The following ZSCAN25 variants were observed in gnomAD, a reference collection of about 807,000 sequenced individuals.
The protein encoded by ZSCAN25 is zinc finger and SCAN domain containing 25.
Under a neutral mutation model 38.7 loss-of-function variants are expected in ZSCAN25, and 27 were observed. That is an observed-to-expected ratio of 0.70 (90% CI 0.51 to 0.96). ZSCAN25 has a LOEUF of 0.96. Ranked by LOEUF, ZSCAN25 falls within the 40% of genes least tolerant of loss-of-function variation. The pLI is 0.00. For missense variants in ZSCAN25, 637 were observed against 705.9 expected, an observed-to-expected ratio of 0.90 and a Z score of 1.11; for synonymous variants, 273 against 277.7, an observed-to-expected ratio of 0.98 and a Z score of 0.17.
At chr7:99,644,386 A>T in the ZSCAN25 span, among the ~76,000 whole-genome samples, 11 of 152,156 alleles carry the variant, frequency 7.2e-5, no homozygotes, top group Non-Finnish European at 1.6e-4. Flanking sequence ...GGCCTAGGGC[A>T]CTGGAGGCTT....
chr7:99,679,631 A>T, the ZSCAN25 span, among the ~76,000 whole-genome samples: 1 of 152,180 alleles, frequency 6.6e-6, no homozygotes, highest in Non-Finnish European at 1.5e-5. Context: ...TAGAAGGTGG[A>T]TGGGAGAAAT....
At chr7:99,625,982 C>T (rs1321574343) in intron 7 of ZSCAN25, among the ~76,000 whole-genome samples, 1 of 152,234 alleles carries the variant, frequency 6.6e-6, no homozygotes, top group African/African-American at 2.4e-5. Flanking sequence ...CTGCTTGGGG[C>T]TGGGCCTGAG....
the ZSCAN25 span, among the ~76,000 whole-genome samples, chr7:99,692,654 A>T: frequency 6.6e-6 from 1 of 151,808 alleles, no homozygotes; most frequent in Non-Finnish European, 1.5e-5. Flanking sequence ...TTGATCTTTG[A>T]TCACTGATAT....
At chr7:99,666,905 A>G in the ZSCAN25 span, 3 of 1,607,202 alleles carry the variant, frequency 1.9e-6, no homozygotes, top group Non-Finnish European at 2.6e-6. Context: ...ACCTGTCCCC[A>G]GATTCATTCT....
chr7:99,725,452 G>A, the ZSCAN25 span, among the ~76,000 whole-genome samples: 1 of 152,166 alleles, frequency 6.6e-6, no homozygotes, highest in Non-Finnish European at 1.5e-5. Context: ...GACAACCCAA[G>A]ACCATGTCTC....
intron 7 of ZSCAN25, among the ~76,000 whole-genome samples, chr7:99,625,443 G>A (rs1807388180): frequency 2.6e-5 from 4 of 152,192 alleles, no homozygotes; most frequent in South Asian, 2.1e-4. Flanking sequence ...CAGGGGAAGA[G>A]GCCATGTGCA....
At chr7:99,660,809 G>A in the ZSCAN25 span, 8 of 923,458 alleles carry the variant, frequency 8.7e-6, no homozygotes, top group African/African-American at 1.7e-5. Flanking sequence ...ATTCTGATAT[G>A]TATCTTATAC....
the ZSCAN25 span, among the ~76,000 whole-genome samples, chr7:99,733,599 G>C: frequency 6.6e-6 from 1 of 152,188 alleles, no homozygotes; most frequent in African/African-American, 2.4e-5. Context: ...AACATGGCCA[G>C]CCACACACAG....
chr7:99,633,955 T>C (rs1274140581), downstream of ZSCAN25, among the ~76,000 whole-genome samples: 1 of 152,112 alleles, frequency 6.6e-6, no homozygotes, highest in Non-Finnish European at 1.5e-5. Context: ...TGAAAGTGGG[T>C]GCTATTTATT....
At chr7:99,669,027 CCTAT>C in the ZSCAN25 span, among the ~76,000 whole-genome samples, 1 of 152,084 alleles carries the variant, frequency 6.6e-6, no homozygotes, top group Non-Finnish European at 1.5e-5. Flanking sequence ...GTTCTATTTT[CCTAT>C]CTGTTAATTT....
At chr7:99,718,328 C>T in the ZSCAN25 span, among the ~76,000 whole-genome samples, 1 of 152,118 alleles carries the variant, frequency 6.6e-6, no homozygotes, top group Non-Finnish European at 1.5e-5. Context: ...TAATGCGATT[C>T]TATTAACATT....
the ZSCAN25 span, among the ~76,000 whole-genome samples, chr7:99,654,243 CA>C: frequency 6.6e-6 from 1 of 152,164 alleles, no homozygotes; most frequent in Non-Finnish European, 1.5e-5. Context: ...CCTCCCACCC[CA>C]AAACAGGCCC....
At chr7:99,679,977 G>C in the ZSCAN25 span, 1 of 1,244,226 alleles carries the variant, frequency 8.0e-7, no homozygotes, top group Non-Finnish European at 1.2e-6. Context: ...TTTGCCTGGA[G>C]CTTCCCTGCC....
the ZSCAN25 span, among the ~76,000 whole-genome samples, chr7:99,736,271 C>G: frequency 2.0e-5 from 3 of 152,228 alleles, no homozygotes; most frequent in African/African-American, 7.2e-5. Flanking sequence ...CAAACCACCT[C>G]AGCCAGCAAC....
At chr7:99,665,149 A>C in the ZSCAN25 span, 2 of 1,569,128 alleles carry the variant, frequency 1.3e-6, no homozygotes, top group Non-Finnish European at 1.7e-6. Flanking sequence ...GAGAGAAAGA[A>C]ATAATAGCCC....
rs369473241 is a variant in ZSCAN25, at chr7:99,619,809, G to A, written c.203G>A (p.Arg68His). The A allele has an allele frequency of 1.0e-4, 166 of 1,614,142 alleles. No homozygotes were observed. Among genetic ancestry groups the A allele is most frequent in the Non-Finnish European group, 1.2e-4 (147 of 1,180,052 alleles). ...CTTAGGGAGCTCCAGGAGCTCTGTC[G>A]TCGGTGGCTGAGGCCCGAGTTGCAC... Reference protein sequence around the residue: ...EALRELQELCRRWLRPELHTK... With the variant: ...EALRELQELCHRWLRPELHTK... The change falls in exon 4 of 8, where the codon CGT (arginine) becomes CAT (histidine). Residue 68 changes from arginine to histidine, a missense_variant. By Grantham distance (29) the Arg-to-His change is conservative. Coordinates refer to ENST00000394152, the MANE Select transcript of ZSCAN25 (RefSeq NM_145115.3).
At chr7:99,659,519 G>C in the ZSCAN25 span, 1 of 154,612 alleles carries the variant, frequency 6.5e-6, no homozygotes, top group Non-Finnish European at 1.4e-5. Flanking sequence ...CTGCTCGGGG[G>C]TCAGGGACCC....
At position 99,629,142 on chromosome 7, in the gene ZSCAN25, T is replaced by C. The variant is rs1039281871; in HGVS notation, c.806-49T>C. The C allele has an allele frequency of 2.2e-5, 33 of 1,534,482 alleles. No individual in the cohort carries two copies. Among genetic ancestry groups the C allele is most frequent in the Non-Finnish European group, 2.7e-5 (31 of 1,142,884 alleles). On this transcript the variant is annotated intron_variant, in intron 7 of 7. Transcript: ENST00000394152. The surrounding 1 kb of genome is among the most constrained non-coding windows in gnomAD (Gnocchi z 5.6). The stretch of plus-strand genomic sequence containing the variant: ...GTGAAGCAGAGTTCTAACATGTAAA[T>C]GTCCTGCGGCTACCACAGAATCAAT...
At chr7:99,667,359 G>A in the ZSCAN25 span, among the ~76,000 whole-genome samples, 1 of 152,206 alleles carries the variant, frequency 6.6e-6, no homozygotes, top group Admixed American at 6.5e-5. Flanking sequence ...TGTTCTTCCA[G>A]TGGAATAGAC....
Sources: gnomAD v4.1 joint callset for allele counts (sites outside exome capture counted in the v4.1 genomes callset) on GRCh38, gnomAD v4.1.1 for gene constraint, Gnocchi (gnomAD v3.1) non-coding constraint, MANE v1.5 for transcripts, NCBI Gene and HGNC (gene_info 2026-07-23, HGNC 2026-07-21) for gene names.